Variants in TPD52 observed in about 807,000 individuals in gnomAD.
TPD52 encodes prostate and colon associated protein.
A neutral mutation model predicts 31.3 loss-of-function variants in TPD52; 17 were observed. That is an observed-to-expected ratio of 0.54 (90% CI 0.37 to 0.82). The LOEUF (loss-of-function observed/expected upper bound fraction) is 0.82, where lower values mean the gene tolerates loss of function less well. Ranked by LOEUF, TPD52 falls within the 40% of genes least tolerant of loss-of-function variation. TPD52 has a pLI of 0.00. For synonymous variants in TPD52, 83 were observed against 89.6 expected, an observed-to-expected ratio of 0.93 and a Z score of 0.42; for missense variants, 212 against 240.1, an observed-to-expected ratio of 0.88 and a Z score of 0.77.
intron 1 of TPD52, among the ~76,000 whole-genome samples, chr8:80,164,364 T>G (rs965300493): frequency 3.3e-5 from 5 of 152,196 alleles, no homozygotes; most frequent in African/African-American, 1.2e-4. Context: ...CAGTGGTATT[T>G]CAAATCAATA....
At chr8:80,063,152 G>A (rs539448493) in intron 2 of TPD52, among the ~76,000 whole-genome samples, 2 of 152,182 alleles carry the variant, frequency 1.3e-5, no homozygotes, top group Admixed American at 1.3e-4. Context: ...TCACCCAAAT[G>A]TCTATGAATG....
At chr8:80,071,615 G>C (rs1243277454) in intron 1 of TPD52, among the ~76,000 whole-genome samples, 1 of 151,968 alleles carries the variant, frequency 6.6e-6, no homozygotes, top group African/African-American at 2.4e-5. Flanking sequence ...CCTCCCTCCT[G>C]GTTTTTCTCT....
At chr8:80,088,666 A>G (rs962291868) in intron 1 of TPD52, among the ~76,000 whole-genome samples, 2 of 152,206 alleles carry the variant, frequency 1.3e-5, no homozygotes, top group African/African-American at 4.8e-5. Context: ...GTGTCTCCCC[A>G]GCTTCATGTG....
intron 1 of TPD52, among the ~76,000 whole-genome samples, chr8:80,074,163 C>T (rs544498814): frequency 6.6e-6 from 1 of 152,346 alleles, no homozygotes; most frequent in Admixed American, 6.5e-5. Flanking sequence ...GGACCAATAA[C>T]TTTAAGACCG....
At chr8:80,071,486 A>G (rs1462371395) in intron 1 of TPD52, among the ~76,000 whole-genome samples, 6 of 151,980 alleles carry the variant, frequency 3.9e-5, no homozygotes, top group Non-Finnish European at 8.8e-5. Context: ...AACCCCCTGC[A>G]ACCTTGTGGC....
intron 1 of TPD52, among the ~76,000 whole-genome samples, chr8:80,090,004 A>C (rs1181110495): frequency 2.6e-5 from 4 of 152,312 alleles, no homozygotes; most frequent in Admixed American, 1.3e-4. Flanking sequence ...TCTCGCACTG[A>C]AGTTTTAGTG....
chr8:80,130,244 G>T (rs1808928741), intron 1 of TPD52, among the ~76,000 whole-genome samples: 1 of 152,172 alleles, frequency 6.6e-6, no homozygotes, highest in African/African-American at 2.4e-5. Flanking sequence ...AATCACAGAA[G>T]TCAGTATTTC....
intron 1 of TPD52, among the ~76,000 whole-genome samples, chr8:80,077,923 A>G (rs1814780041): frequency 6.6e-6 from 1 of 152,266 alleles, no homozygotes; most frequent in East Asian, 1.9e-4. Flanking sequence ...GCAGAACCAG[A>G]TGAGCACTTT....
intron 1 of TPD52, among the ~76,000 whole-genome samples, chr8:80,100,927 A>G (rs1411577561): frequency 6.6e-6 from 1 of 152,240 alleles, no homozygotes; most frequent in African/African-American, 2.4e-5. Context: ...AGCCTCAGAC[A>G]CACCCAAAAT....
intron 1 of TPD52, among the ~76,000 whole-genome samples, chr8:80,157,631 T>A (rs1243951895): frequency 6.6e-6 from 1 of 152,200 alleles, no homozygotes; most frequent in East Asian, 1.9e-4. Context: ...CACTCCACGA[T>A]GAAAACAAGC....
chr8:80,050,568 G>C, intron 4 of TPD52, 97 bp from the exon 5 acceptor site: 1 of 1,250,428 alleles, frequency 8.0e-7, no homozygotes, highest in South Asian at 1.4e-5. Flanking sequence ...TGTTTTCCCT[G>C]GGCTCTAAAC....
At chr8:80,137,375 T>C (rs764671642) in intron 1 of TPD52, among the ~76,000 whole-genome samples, 18 of 151,864 alleles carry the variant, frequency 1.2e-4, no homozygotes, top group Non-Finnish European at 2.4e-4. Flanking sequence ...GCAAATTATA[T>C]ATCAATAAAG....
At chr8:80,117,977 C>A (rs2131013410) in intron 1 of TPD52, among the ~76,000 whole-genome samples, 1 of 152,098 alleles carries the variant, frequency 6.6e-6, no homozygotes, top group South Asian at 2.1e-4. Flanking sequence ...CGTGATCCGC[C>A]CACCTCAGCC....
Position 80,077,587 on chromosome 8 carries a change from A to T in TPD52, c.20-12994T>A, listed in dbSNP as rs1166607603. 2.0e-5 allele frequency among the ~76,000 whole-genome samples: 3 copies of T among 152,348 alleles called. No homozygotes were observed. In the East Asian group the frequency reaches 5.8e-4, roughly 29 times the overall value. ...GAGATGTTGCGGTCTAAAAAAAACA[A>T]AAAACCAAACCACTAGCTTAAGAAT... On this transcript the variant is annotated intron_variant, in intron 1 of 7. Transcript: ENST00000518937.
intron 1 of TPD52, among the ~76,000 whole-genome samples, chr8:80,106,602 C>T (rs1230321696): frequency 1.3e-5 from 2 of 151,744 alleles, no homozygotes; most frequent in African/African-American, 4.8e-5. Flanking sequence ...ATGACCCACC[C>T]GCTTCGGCCT....
intron 1 of TPD52, among the ~76,000 whole-genome samples, chr8:80,164,024 CAG>C (rs58566558): frequency 4.2e-3 from 458 of 109,846 alleles, no homozygotes; most frequent in Middle Eastern, 4.4e-3. Flanking sequence ...GAGAGAGAGA[CAG>C]AGAGAGAGAG....
intron 3 of TPD52, chr8:80,052,493 C>T (rs969398636): frequency 6.5e-5 from 32 of 495,198 alleles, no homozygotes; most frequent in Non-Finnish European, 2.2e-5. Flanking sequence ...TTCCCACTGC[C>T]AACTTAGATG....
intron 1 of TPD52, among the ~76,000 whole-genome samples, chr8:80,128,580 G>C (rs951802212): frequency 1.3e-5 from 2 of 151,224 alleles, no homozygotes; most frequent in African/African-American, 4.9e-5. Context: ...AAGACTGCTT[G>C]AGCCCACGAG....
At chr8:80,121,081 C>CAA (rs762105086) in intron 1 of TPD52, among the ~76,000 whole-genome samples, 27 of 98,562 alleles carry the variant, frequency 2.7e-4, no homozygotes, top group African/African-American at 8.8e-4. Flanking sequence ...GACTCTGTCT[C>CAA]AAAAAAAAAA....
Sources: gnomAD v4.1 joint callset for allele counts (sites outside exome capture counted in the v4.1 genomes callset) on GRCh38, gnomAD v4.1.1 for gene constraint, MANE v1.5 for transcripts, NCBI Gene and HGNC (gene_info 2026-07-23, HGNC 2026-07-21) for gene names.